The following CUZD1 variants were observed in gnomAD, a reference collection of about 807,000 sequenced individuals.
CUZD1 encodes CUB and zona pellucida-like domain-containing protein 1.
Under a neutral mutation model 53.1 loss-of-function variants are expected in CUZD1, and 42 were observed. That is an observed-to-expected ratio of 0.79 (90% CI 0.62 to 1.02). CUZD1 has a LOEUF of 1.02. Among genes scored for constraint, CUZD1 ranks in the 50% least tolerant of loss-of-function variants. The pLI, the probability that CUZD1 is intolerant of heterozygous loss-of-function variation, is 0.00. For synonymous variants in CUZD1, 238 were observed against 257.2 expected (o/e 0.93, Z 0.71); for missense variants, 670 against 715.7 (o/e 0.94, Z 0.73).
rs762775582 is a variant in CUZD1 at position 122,836,974 on chromosome 10, A to G, written c.674T>C (p.Ile225Thr). ...AGTCACACGGCCACAGACTTGTCCA[A>G]TCAGGCCAGAGTTGGTGGAGGGGCC... is the stretch of plus-strand genomic sequence containing the variant. ...YDGPSTNSGL[I>T]GQVCGRVTPT... Residue 225 changes from isoleucine (I) to threonine (T), a missense_variant, in exon 5 of 9, where the codon ATT becomes ACT. Coordinates refer to ENST00000392790, the MANE Select transcript of CUZD1 (RefSeq NM_022034.6). The G allele has an allele frequency of 3.1e-6, 5 of 1,614,022 alleles. No individual in the cohort carries two copies. In the African/African-American group the frequency reaches 4.0e-5, roughly 13 times the overall value.
rs758158635 is a variant in CUZD1, at chr10:122,832,431, A to G, written c.1671T>C (p.His557=). 1.9e-6 allele frequency: 3 copies of G among 1,613,894 alleles called. No homozygotes were observed. The highest frequency in any genetic ancestry group is 1.7e-5 in the Admixed American group (1 of 59,962). ...AAGGCTGGTTTGGAGTTTCTTCCGCATGTGTTTCATGCTGAAATCCTAAAA... is the reference window on the plus strand; with the variant it reads ...AAGGCTGGTTTGGAGTTTCTTCCGCGTGTGTTTCATGCTGAAATCCTAAAA... The part of the protein sequence containing the change: ...SGNSGFQHET[H]AEETPNQPFN... Residue 557 remains histidine (H), a synonymous_variant, in exon 9 of 9, where the codon CAT becomes CAC. Coordinates refer to ENST00000392790, the MANE Select transcript of CUZD1 (RefSeq NM_022034.6).
At chr10:122,835,480 T>A (rs1847235135) in intron 6 of CUZD1, among the ~76,000 whole-genome samples, 1 of 152,160 alleles carries the variant, frequency 6.6e-6, no homozygotes, top group South Asian at 2.1e-4. Context: ...AGACCAAGGG[T>A]CTGCAAGAGG....
At chr10:122,838,966 A>T in intron 3 of CUZD1, 51 bp downstream of exon 3, 1 of 1,374,788 alleles carries the variant, frequency 7.3e-7, no homozygotes. Flanking sequence ...AAGAGTGTGT[A>T]ACCTGTGCTT....
rs370622556 is a variant in CUZD1, at chr10:122,834,766, G to A, written c.1322C>T (p.Thr441Ile). The A allele has an allele frequency of 2.5e-6, 4 of 1,613,710 alleles. No homozygotes were observed. The highest frequency in any genetic ancestry group is 3.4e-6 in the Non-Finnish European group (4 of 1,179,764). The part of the protein sequence containing the change: ...SDPNLVVFLD[T>I]CRASPTSDFA... The stretch of plus-strand genomic sequence containing the variant: ...GTCAGAGGTGGGAGAGGCTCTACAG[G>A]TATCAAGAAACACCACCAAATTTGG... Residue 441 changes from threonine (T) to isoleucine (I), a missense_variant, in exon 7 of 9, where the codon ACC becomes ATC. Coordinates refer to ENST00000392790, the MANE Select transcript of CUZD1 (RefSeq NM_022034.6).
At chr10:122,843,174 A>G (rs1192802836) in intron 1 of CUZD1, among the ~76,000 whole-genome samples, 1 of 152,230 alleles carries the variant, frequency 6.6e-6, no homozygotes, top group Non-Finnish European at 1.5e-5. Flanking sequence ...TCATCGCAAC[A>G]TTAGTCATAA....
intron 5 of CUZD1, 46 bp from the exon 6 acceptor site, chr10:122,836,396 C>A: frequency 6.8e-7 from 1 of 1,464,586 alleles, no homozygotes; most frequent in South Asian, 1.4e-5. Flanking sequence ...TTTATGCCAG[C>A]TAGGAATGTT....
intron 3 of CUZD1, among the ~76,000 whole-genome samples, chr10:122,838,629 G>GATACC (rs1358095823): frequency 2.8e-4 from 43 of 152,326 alleles, no homozygotes; most frequent in Admixed American, 1.1e-3. Flanking sequence ...AGTCCCTGAA[G>GATACC]AGGCATTGCA....
In CUZD1 at chr10:122,845,826, C is replaced by G. The variant is rs368837059; in HGVS notation, c.18G>C (p.Arg6Ser). ...GAATTAAGAGGGTCAATGGCATGAG[C>G]CTTCTTACAAGCTCCATTTTGGCAA... is the stretch of plus-strand genomic sequence containing the variant. MELVR[R>S]LMPLTLLILS... The change falls in exon 1 of 9, where the codon AGG becomes AGC. Residue 6 changes from arginine to serine, a missense_variant. By Grantham distance (110) the Arg-to-Ser change is moderately radical. Transcript: ENST00000392790. The G allele has an allele frequency of 5.0e-6, 8 of 1,613,878 alleles. No individual in the cohort carries two copies. The East Asian group carries it at 1.1e-4, about 22-fold the overall frequency.
chr10:122,845,426 G>A (rs549931563), intron 1 of CUZD1, among the ~76,000 whole-genome samples: 29 of 152,114 alleles, frequency 1.9e-4, no homozygotes, highest in East Asian at 3.9e-4. Flanking sequence ...TGGATTTACC[G>A]TAAGAAATAA....
At chr10:122,838,871 T>C (rs1344106583) in intron 3 of CUZD1, 146 bp downstream of exon 3, 2 of 638,350 alleles carry the variant, frequency 3.1e-6, no homozygotes, top group African/African-American at 1.8e-5. Flanking sequence ...CTTATGCACA[T>C]GTAAGTTAGA....
chr10:122,834,280 T>C (rs1369365875), intron 7 of CUZD1, among the ~76,000 whole-genome samples: 1 of 152,240 alleles, frequency 6.6e-6, no homozygotes, highest in African/African-American at 2.4e-5. Flanking sequence ...AAATTGTTCC[T>C]TTCAAATAAG....
chr10:122,833,696 C>A lies in CUZD1; in HGVS notation c.1627G>T (p.Asp543Tyr). 1.2e-6 allele frequency: 2 copies of A among 1,613,554 alleles called. No homozygotes were observed. Among genetic ancestry groups the A allele is most frequent in the Non-Finnish European group, 1.7e-6 (2 of 1,179,742 alleles). Residue 543 changes from aspartate to tyrosine, a missense_variant, in exon 8 of 9, where the codon GAT becomes TAT. Coordinates refer to ENST00000392790, the MANE Select transcript of CUZD1 (RefSeq NM_022034.6). ...CCTGAATTGCCACTTGCACTTCGATCCCTTTTCAGACGAATGGGTCCTATG... is the reference window on the plus strand; with the variant it reads ...CCTGAATTGCCACTTGCACTTCGATACCTTTTCAGACGAATGGGTCCTATG... ...SIIGPIRLKR[D>Y]RSASGNSGFQ...
In CUZD1 at chr10:122,832,451, C is replaced by A; in HGVS notation, c.1652-1G>T. On this transcript the variant is annotated splice_acceptor_variant, in intron 8 of 8. Transcript: ENST00000392790. LOFTEE classifies it high-confidence loss of function. ...TCCGCATGTGTTTCATGCTGAAATC[C>A]TAAAATTGGAAACAAGATGAAAATC... 6.2e-7 allele frequency: 1 copy of A among 1,611,752 alleles called. No homozygotes were observed. Among genetic ancestry groups the A allele is most frequent in the South Asian group, 1.1e-5 (1 of 90,720 alleles).
chr10:122,837,676 T>A (rs1445203085), intron 3 of CUZD1, 122 bp from the exon 4 acceptor site: 5 of 963,844 alleles, frequency 5.2e-6, no homozygotes, highest in Non-Finnish European at 7.5e-6. Context: ...ATCTTTCCCA[T>A]GGGTCACATA....
rs200799266 is a variant in CUZD1, at chr10:122,836,196, T to C, written c.972A>G (p.Gly324=). The change falls in exon 6 of 9, where the codon GGA becomes GGG. Residue 324 remains glycine, a synonymous_variant. Transcript: ENST00000392790. ...NVVEFSVPLN[G]CGTIRKVEDQ... ...ACTTTACCTTTCTGATTGTACCACA[T>C]CCATTAAGAGGGACAGAAAATTCCA... 5.6e-6 allele frequency: 9 copies of C among 1,603,322 alleles called. No homozygotes were observed. The highest frequency in any genetic ancestry group is 1.8e-5 in the Admixed American group (1 of 56,970).
At chr10:122,837,228 A>C (rs894967818) in intron 4 of CUZD1, among the ~76,000 whole-genome samples, 176 bp downstream of exon 4, 18 of 152,270 alleles carry the variant, frequency 1.2e-4, no homozygotes, top group African/African-American at 4.3e-4. Context: ...CAGAATCTTC[A>C]GAAAAATAGT....
rs879505306 is a variant in CUZD1 at position 122,845,813 on chromosome 10, T to C, written c.31A>G (p.Thr11Ala). 1.9e-6 allele frequency: 3 copies of C among 1,614,064 alleles called. No homozygotes were observed. Among genetic ancestry groups the C allele is most frequent in the Non-Finnish European group, 1.7e-6 (2 of 1,180,004 alleles). MELVRRLMPL[T>A]LLILSCLAEL... Reference sequence around the variant, plus strand: ...GCCAAACAGGAGAGAATTAAGAGGGTCAATGGCATGAGCCTTCTTACAAGC... The same window carrying C: ...GCCAAACAGGAGAGAATTAAGAGGGCCAATGGCATGAGCCTTCTTACAAGC... The change falls in exon 1 of 9, where the codon ACC becomes GCC. Residue 11 changes from threonine (T) to alanine (A), a missense_variant. By Grantham distance (58) the Thr-to-Ala change is moderately conservative. Transcript: ENST00000392790.
intron 5 of CUZD1, 102 bp downstream of exon 5, chr10:122,836,729 C>A: frequency 1.2e-6 from 1 of 858,962 alleles, no homozygotes. Context: ...ATGTGACATG[C>A]TTGCAAATAG....
chr10:122,836,499 A>C (rs1847253472), intron 5 of CUZD1, 149 bp from the exon 6 acceptor site: 1 of 692,174 alleles, frequency 1.4e-6, no homozygotes, highest in South Asian at 2.2e-5. Flanking sequence ...TAGCCAAGCA[A>C]TTGATTCACC....
Sources: gnomAD v4.1 joint callset for allele counts (sites outside exome capture counted in the v4.1 genomes callset) on GRCh38, gnomAD v4.1.1 for gene constraint, MANE v1.5 for transcripts, NCBI Gene and HGNC (gene_info 2026-07-23, HGNC 2026-07-21) for gene names.